STK32A: variants seen among roughly 807,000 people sequenced by gnomAD.
STK32A encodes the protein serine/threonine-protein kinase 32A.
In STK32A, 41 loss-of-function variants were observed where a neutral mutation model predicts 53.2. That is an observed-to-expected ratio of 0.77 (90% confidence interval 0.60 to 1.00). The LOEUF (loss-of-function observed/expected upper bound fraction) is 1.00, where lower values mean the gene tolerates loss of function less well. Among genes scored for constraint, STK32A ranks in the 50% least tolerant of loss-of-function variants. STK32A has a pLI of 0.00. For missense variants in STK32A, 458 were observed against 485.8 expected, an observed-to-expected ratio of 0.94 and a Z score of 0.54; for synonymous variants, 166 against 162.8, an observed-to-expected ratio of 1.02 and a Z score of -0.15.
At position 147,384,418 on chromosome 5, in the gene STK32A, G is replaced by A. The variant is rs910292352; in HGVS notation, c.*435G>A. The A allele has an allele frequency of 1.9e-5, 29 of 1,534,396 alleles. No individual in the cohort carries two copies. The highest frequency in any genetic ancestry group is 2.3e-5 in the Non-Finnish European group (26 of 1,146,214). ...ACACAGGACTCAGTGAGACTTTTCA[G>A]ACCTCGAAAGTTTCATAAAGTGGTC... On this transcript the variant is annotated 3_prime_UTR_variant, in exon 13 of 13. Coordinates refer to ENST00000397936, the MANE Select transcript of STK32A (RefSeq NM_001112724.2).
rs1369596142 is a variant in STK32A, at chr5:147,375,158, T to A, written c.972T>A (p.His324Gln). ...EEMILESKPL[H>Q]KKKKRLAKKE... Reference sequence around the variant, plus strand: ...TGATTTTGGAGTCCAAACCTCTACATAAGAAAAAAAAGCGTCTGGCAAAGA... The same window carrying A: ...TGATTTTGGAGTCCAAACCTCTACAAAAGAAAAAAAAGCGTCTGGCAAAGA... The change falls in exon 11 of 13, where the codon CAT (histidine) becomes CAA (glutamine). Residue 324 changes from histidine to glutamine, a missense_variant. Coordinates refer to ENST00000397936, the MANE Select transcript of STK32A (RefSeq NM_001112724.2). 1 of 1,610,288 alleles carries A rather than the reference T, an allele frequency of 6.2e-7. No individual in the cohort carries two copies. Among genetic ancestry groups the A allele is most frequent in the South Asian group, 1.1e-5 (1 of 90,218 alleles).
intron 8 of STK32A, among the ~76,000 whole-genome samples, chr5:147,367,201 G>A (rs111464495): frequency 0.02 from 3,029 of 151,908 alleles, 103 homozygotes; most frequent in African/African-American, 0.069. Flanking sequence ...AAGTAGCTGG[G>A]ACTACAGGCA....
intron 2 of STK32A, among the ~76,000 whole-genome samples, chr5:147,276,099 A>G (rs1222980597): frequency 6.6e-6 from 1 of 152,162 alleles, no homozygotes; most frequent in Non-Finnish European, 1.5e-5. Context: ...GCTTTTTTTA[A>G]CACTCTTGTG....
At chr5:147,309,237 G>A (rs1753571630) in intron 4 of STK32A, among the ~76,000 whole-genome samples, 1 of 152,178 alleles carries the variant, frequency 6.6e-6, no homozygotes, top group African/African-American at 2.4e-5. Flanking sequence ...GTCTGTATGT[G>A]TGTGAGCTGC....
chr5:147,276,043 G>A (rs1165831231), intron 2 of STK32A, among the ~76,000 whole-genome samples: 2 of 152,114 alleles, frequency 1.3e-5, no homozygotes, highest in Non-Finnish European at 2.9e-5. Flanking sequence ...TGAGTTATTG[G>A]ATTTGCTCAA....
At chr5:147,367,652 T>C (rs540771572) in intron 8 of STK32A, among the ~76,000 whole-genome samples, 1 of 152,230 alleles carries the variant, frequency 6.6e-6, no homozygotes, top group South Asian at 2.1e-4. Context: ...GAGAAGGAAT[T>C]TCACAAGGTA....
intron 8 of STK32A, among the ~76,000 whole-genome samples, chr5:147,369,327 T>A (rs1449192113): frequency 6.6e-6 from 1 of 152,186 alleles, no homozygotes; most frequent in Non-Finnish European, 1.5e-5. Flanking sequence ...AAAATTAAGC[T>A]TTTCTTCCCA....
chr5:147,237,646 C>A (rs1753378793), intron 1 of STK32A, among the ~76,000 whole-genome samples: 1 of 152,180 alleles, frequency 6.6e-6, no homozygotes, highest in Non-Finnish European at 1.5e-5. Context: ...CTCTCTCATA[C>A]CATTTAATTG....
chr5:147,328,241 T>C, intron 5 of STK32A, among the ~76,000 whole-genome samples: 1 of 151,848 alleles, frequency 6.6e-6, no homozygotes, highest in Non-Finnish European at 1.5e-5. Context: ...AAGGGGGTCT[T>C]TTTAAAATTT....
At chr5:147,240,623 T>C (rs1753533662) in intron 2 of STK32A, among the ~76,000 whole-genome samples, 1 of 152,250 alleles carries the variant, frequency 6.6e-6, no homozygotes, top group Non-Finnish European at 1.5e-5. Flanking sequence ...TTTGAGATCC[T>C]AAAGCAACTT....
At chr5:147,328,693 A>T (rs543018247) in intron 5 of STK32A, among the ~76,000 whole-genome samples, 53 of 152,314 alleles carry the variant, frequency 3.5e-4, no homozygotes, top group African/African-American at 1.1e-3. Context: ...GCTTTTATTT[A>T]AAAAATAAGG....
chr5:147,337,334 G>C (rs1354901945), intron 5 of STK32A, among the ~76,000 whole-genome samples: 2 of 152,040 alleles, frequency 1.3e-5, no homozygotes, highest in African/African-American at 4.8e-5. Context: ...CTCGTAACAG[G>C]CATAAATCAC....
At chr5:147,370,235 T>C (rs1033080011) in intron 8 of STK32A, among the ~76,000 whole-genome samples, 3 of 152,164 alleles carry the variant, frequency 2.0e-5, no homozygotes, top group African/African-American at 7.2e-5. Context: ...TATGGTAAAA[T>C]TCTGGATTTA....
At chr5:147,246,680 C>A (rs1049564242) in intron 2 of STK32A, among the ~76,000 whole-genome samples, 12 of 152,172 alleles carry the variant, frequency 7.9e-5, no homozygotes, top group Non-Finnish European at 1.5e-4. Flanking sequence ...GGTTTAATGG[C>A]AACAAATTTT....
the STK32A span, chr5:147,401,963 G>T: frequency 2.9e-6 from 1 of 339,134 alleles, no homozygotes; most frequent in South Asian, 5.3e-5. Context: ...AAAATTTGAG[G>T]CAAAAGAAAA....
chr5:147,273,309 G>A (rs1755123476), intron 2 of STK32A, among the ~76,000 whole-genome samples: 1 of 152,216 alleles, frequency 6.6e-6, no homozygotes, highest in Non-Finnish European at 1.5e-5. Context: ...GAGACAGGAA[G>A]AAATCCCACC....
chr5:147,363,279 C>T (rs1756593209), intron 8 of STK32A, among the ~76,000 whole-genome samples: 1 of 152,116 alleles, frequency 6.6e-6, no homozygotes, highest in Non-Finnish European at 1.5e-5. Flanking sequence ...TATCTTAAAA[C>T]TCGAGAATAA....
intron 4 of STK32A, among the ~76,000 whole-genome samples, chr5:147,307,287 C>CT: frequency 6.6e-6 from 1 of 151,746 alleles, no homozygotes; most frequent in Admixed American, 6.6e-5. Flanking sequence ...ATTTATCAAT[C>CT]TTTTTCTTTA....
intron 1 of STK32A, among the ~76,000 whole-genome samples, chr5:147,238,369 A>T (rs943920504): frequency 2.0e-5 from 3 of 152,168 alleles, no homozygotes; most frequent in African/African-American, 7.2e-5. Flanking sequence ...TAGGGATCCC[A>T]GCTTGTCACT....
Sources: allele counts gnomAD v4.1 joint callset (sites outside exome capture counted in the v4.1 genomes callset), GRCh38; gene constraint gnomAD v4.1.1; transcripts MANE v1.5; gene names NCBI Gene and HGNC (gene_info 2026-07-23, HGNC 2026-07-21).